The following MMRN1 variants were observed in gnomAD, a reference collection of about 807,000 sequenced individuals.
The protein encoded by MMRN1 is multimerin-1.
MMRN1 carries 94 observed loss-of-function variants against 100.7 expected under a neutral mutation model. The ratio of observed to expected loss-of-function variants is 0.93; its 90% CI spans 0.79 to 1.11. The LOEUF (loss-of-function observed/expected upper bound fraction) is 1.11, where lower values mean the gene tolerates loss of function less well. Among genes scored for constraint, MMRN1 ranks in the 50% least tolerant of loss-of-function variants. The pLI is 0.00. For synonymous variants in MMRN1, 575 were observed against 505.0 expected (o/e 1.14, Z -1.86); for missense variants, 1,606 against 1,439.1 (o/e 1.12, Z -1.88).
intron 1 of MMRN1, among the ~76,000 whole-genome samples, chr4:89,905,583 G>C (rs1160238537): frequency 6.6e-6 from 1 of 151,466 alleles, no homozygotes; most frequent in Non-Finnish European, 1.5e-5. Flanking sequence ...GTTATTACTA[G>C]AGTCACCTGA....
intron 1 of MMRN1, among the ~76,000 whole-genome samples, chr4:89,884,247 A>G (rs1720884853): frequency 6.6e-6 from 1 of 152,122 alleles, no homozygotes; most frequent in Non-Finnish European, 1.5e-5. Context: ...AAAATCTGCT[A>G]AGATTAATTA....
In MMRN1 at chr4:89,894,957, C is replaced by T. The variant is rs1440723590; in HGVS notation, c.-15C>T. 1.3e-6 allele frequency: 2 copies of T among 1,591,426 alleles called. No homozygotes were observed. Among genetic ancestry groups the T allele is most frequent in the Admixed American group, 3.5e-5 (2 of 57,072 alleles). On this transcript the variant is annotated 5_prime_UTR_variant, in exon 1 of 8. Coordinates refer to ENST00000264790, the MANE Select transcript of MMRN1 (RefSeq NM_007351.3). ...CCCAAATTTCACATGAGCTACCTTG[C>T]TTCAAACTACTGAGATGAAGGGGGC...
At chr4:89,949,618 C>T (rs895511017) in intron 6 of MMRN1, among the ~76,000 whole-genome samples, 1 of 151,896 alleles carries the variant, frequency 6.6e-6, no homozygotes, top group South Asian at 2.1e-4. Flanking sequence ...GTTAGCCAGT[C>T]GAAATATTTG....
Position 89,927,879 on chromosome 4 carries a change from T to C in MMRN1, c.1040T>C (p.Leu347Ser), listed in dbSNP as rs1262456737. 1.2e-6 allele frequency: 2 copies of C among 1,612,190 alleles called. No individual in the cohort carries two copies. The highest frequency in any genetic ancestry group is 2.2e-5 in the East Asian group (1 of 44,716). The change falls in exon 5 of 8, where the codon TTG becomes TCG. Residue 347 changes from leucine (L) to serine (S), a missense_variant. Leu to Ser is a moderately radical substitution (Grantham distance 145). Coordinates refer to ENST00000264790, the MANE Select transcript of MMRN1 (RefSeq NM_007351.3). ...CAGAAGAAGATTGACAATATTTCTT[T>C]GACTGTGAATGATGTAAGGAACACT... ...LLQKKIDNIS[L>S]TVNDVRNTYS...
intron 6 of MMRN1, among the ~76,000 whole-genome samples, chr4:89,945,152 AT>A (rs1722948919): frequency 6.6e-6 from 1 of 152,136 alleles, no homozygotes; most frequent in Non-Finnish European, 1.5e-5. Flanking sequence ...TTCATGTAAC[AT>A]ATCTGAGATT....
chr4:89,883,036 A>G (rs1720855255), intron 1 of MMRN1, among the ~76,000 whole-genome samples: 1 of 151,962 alleles, frequency 6.6e-6, no homozygotes, highest in African/African-American at 2.4e-5. Flanking sequence ...TTCATCTCAA[A>G]TCTCTCAGTA....
At chr4:89,932,890 T>C (rs1295933567) in intron 5 of MMRN1, among the ~76,000 whole-genome samples, 2 of 152,212 alleles carry the variant, frequency 1.3e-5, no homozygotes, top group Non-Finnish European at 2.9e-5. Context: ...TGCTTATTAC[T>C]TATGCAAATT....
At chr4:89,913,655 C>G (rs529461838) in intron 3 of MMRN1, among the ~76,000 whole-genome samples, 39 of 151,348 alleles carry the variant, frequency 2.6e-4, no homozygotes, top group African/African-American at 9.2e-4. Flanking sequence ...TAGGGATTGT[C>G]TAATGACACC....
intron 3 of MMRN1, 98 bp downstream of exon 3, chr4:89,912,148 A>G: frequency 1.3e-6 from 1 of 788,838 alleles, no homozygotes. Context: ...AGGTAAATTA[A>G]CATGTAGCCA....
chr4:89,928,149 T>C (rs1722326506), intron 5 of MMRN1, among the ~76,000 whole-genome samples, 181 bp downstream of exon 5: 1 of 152,130 alleles, frequency 6.6e-6, no homozygotes, highest in African/African-American at 2.4e-5. Context: ...AATATCTACA[T>C]TTTATTATAT....
At chr4:89,910,364 C>G (rs970605803) in intron 2 of MMRN1, among the ~76,000 whole-genome samples, 2 of 151,374 alleles carry the variant, frequency 1.3e-5, no homozygotes, top group East Asian at 3.9e-4. Flanking sequence ...AGCATACTGC[C>G]CTTCTGGATT....
rs981666579 is a variant in MMRN1, at chr4:89,924,971, T to G, written c.955+1699T>G. 5.9e-5 allele frequency among the ~76,000 whole-genome samples: 9 copies of G among 152,272 alleles called. No homozygotes were observed. The East Asian group carries it at 1.7e-3, about 29-fold the overall frequency. On this transcript the variant is annotated intron_variant, in intron 4 of 7. Transcript: ENST00000264790. ...TGTGTAATAATCACATAATGGAGAA[T>G]GAGGTATCCATCCCCTCAAGCATTT... is the stretch of plus-strand genomic sequence containing the variant.
intron 6 of MMRN1, among the ~76,000 whole-genome samples, chr4:89,943,332 A>G (rs1481371600): frequency 6.6e-6 from 1 of 152,186 alleles, no homozygotes; most frequent in African/African-American, 2.4e-5. Context: ...CTTGTACACA[A>G]TCATGTGTAC....
At chr4:89,934,477 C>T (rs995059130) in intron 5 of MMRN1, among the ~76,000 whole-genome samples, 6 of 152,022 alleles carry the variant, frequency 3.9e-5, no homozygotes, top group East Asian at 1.9e-4. Flanking sequence ...TCACACAAAA[C>T]GAAAACTAGA....
intron 1 of MMRN1, among the ~76,000 whole-genome samples, chr4:89,887,670 T>C (rs774738943): frequency 3.3e-5 from 5 of 152,092 alleles, no homozygotes; most frequent in Non-Finnish European, 7.4e-5. Flanking sequence ...ACTACATTTT[T>C]GTTCTAACAA....
At chr4:89,907,372 A>G (rs1183618891) in intron 1 of MMRN1, among the ~76,000 whole-genome samples, 1 of 151,468 alleles carries the variant, frequency 6.6e-6, no homozygotes, top group African/African-American at 2.4e-5. Context: ...ATGAATGACA[A>G]TGTGGAATGA....
chr4:89,918,358 A>T lies in MMRN1; in HGVS notation c.851-4810A>T, dbSNP rs561570960. Among the ~76,000 whole-genome samples the T allele has an allele frequency of 2.2e-3, 334 of 151,882 alleles. 5 individuals are homozygous for T. The highest frequency in any genetic ancestry group is 6.8e-3 in the Middle Eastern group (2 of 294). On this transcript the variant is annotated intron_variant, in intron 3 of 7. Transcript: ENST00000264790. ...CATCTCTGAAAATCAGTTATTTTTT[A>T]AAAAAGTCTATTTTCCAAATGTTAA...
At chr4:89,886,150 C>T (rs1030978017) in intron 1 of MMRN1, among the ~76,000 whole-genome samples, 2 of 151,582 alleles carry the variant, frequency 1.3e-5, no homozygotes, top group African/African-American at 4.9e-5. Context: ...CTCAGCCTCC[C>T]AAAGTACTAA....
chr4:89,924,669 C>A (rs1425844850), intron 4 of MMRN1, among the ~76,000 whole-genome samples: 1 of 151,552 alleles, frequency 6.6e-6, no homozygotes, highest in East Asian at 1.9e-4. Flanking sequence ...ATGGTGAAAC[C>A]CCGTCTCTAC....
Sources: gnomAD v4.1 joint callset for allele counts (sites outside exome capture counted in the v4.1 genomes callset) on GRCh38, gnomAD v4.1.1 for gene constraint, MANE v1.5 for transcripts, NCBI Gene and HGNC (gene_info 2026-07-23, HGNC 2026-07-21) for gene names.